SPAG16: variants seen among roughly 807,000 people sequenced by gnomAD.
SPAG16 encodes the protein sperm-associated antigen 16 protein.
SPAG16 carries 86 observed loss-of-function variants against 80.4 expected under a neutral mutation model. The ratio of observed to expected loss-of-function variants is 1.07; its 90% CI spans 0.90 to 1.28. The LOEUF (loss-of-function observed/expected upper bound fraction) is 1.28, where lower values mean the gene tolerates loss of function less well. Among genes scored for constraint, SPAG16 ranks in the 50% most tolerant of loss-of-function variants. The pLI is 0.00. For missense variants in SPAG16, 870 were observed against 765.3 expected, an observed-to-expected ratio of 1.14 and a Z score of -1.61; for synonymous variants, 294 against 265.9, an observed-to-expected ratio of 1.11 and a Z score of -1.03.
chr2:213,868,312 T>G (rs12470513), intron 11 of SPAG16, among the ~76,000 whole-genome samples: 90,256 of 151,822 alleles, frequency 0.59, 28,704 homozygotes, highest in South Asian at 0.85. Flanking sequence ...GCCAGAAACA[T>G]CAACAGAATT....
intron 10 of SPAG16, among the ~76,000 whole-genome samples, chr2:213,584,999 G>A (rs1475606981): frequency 6.6e-6 from 1 of 151,496 alleles, no homozygotes; most frequent in Admixed American, 6.6e-5. Context: ...GATCAGCCTG[G>A]CCAACATGGC....
At chr2:213,623,202 T>A (rs1214896270) in intron 10 of SPAG16, among the ~76,000 whole-genome samples, 2 of 152,226 alleles carry the variant, frequency 1.3e-5, no homozygotes, top group African/African-American at 4.8e-5. Context: ...GTAAAATCAC[T>A]TTTTACTGCT....
intron 9 of SPAG16, among the ~76,000 whole-genome samples, chr2:213,439,734 A>C (rs1040548405): frequency 6.6e-6 from 1 of 152,236 alleles, no homozygotes; most frequent in East Asian, 1.9e-4. Flanking sequence ...AGAAATGGCT[A>C]TGAAAATTAT....
At chr2:213,567,165 C>CTT (rs531916197) in intron 10 of SPAG16, among the ~76,000 whole-genome samples, 10 of 94,900 alleles carry the variant, frequency 1.1e-4, no homozygotes, top group South Asian at 7.1e-4. Flanking sequence ...AACACAGATT[C>CTT]TTTTTTTTTT....
At chr2:214,039,386 G>A (rs2125084455) in intron 13 of SPAG16, among the ~76,000 whole-genome samples, 1 of 152,170 alleles carries the variant, frequency 6.6e-6, no homozygotes, top group East Asian at 1.9e-4. Flanking sequence ...TTTTTAATGG[G>A]GTTGTTTGGA....
intron 12 of SPAG16, among the ~76,000 whole-genome samples, chr2:214,006,089 C>T (rs2047013512): frequency 6.6e-6 from 1 of 151,908 alleles, no homozygotes; most frequent in Non-Finnish European, 1.5e-5. Context: ...TCTAGTATTC[C>T]CTTTGAAAAC....
intron 9 of SPAG16, among the ~76,000 whole-genome samples, chr2:213,400,190 CTT>C (rs2068239965): frequency 6.6e-6 from 1 of 152,022 alleles, no homozygotes; most frequent in African/African-American, 2.4e-5. Flanking sequence ...TGCCTATAGT[CTT>C]TGAGTTTATG....
chr2:213,375,161 C>G, intron 9 of SPAG16, 42 bp downstream of exon 9: 1 of 1,355,676 alleles, frequency 7.4e-7, no homozygotes. Flanking sequence ...ATACTTAACT[C>G]TCAGATCTTT....
intron 15 of SPAG16, among the ~76,000 whole-genome samples, chr2:214,169,422 C>A (rs920053753): frequency 6.6e-6 from 1 of 151,934 alleles, no homozygotes; most frequent in Non-Finnish European, 1.5e-5. Context: ...TCCCCAAAGC[C>A]GGTCAGTACT....
chr2:213,959,615 T>C (rs559918101), intron 12 of SPAG16, among the ~76,000 whole-genome samples: 38 of 152,282 alleles, frequency 2.5e-4, no homozygotes, highest in Admixed American at 2.3e-3. Context: ...AATAATACCA[T>C]GGACTTTACT....
Position 213,791,711 on chromosome 2 carries a change from A to C in SPAG16, c.1071-70774A>C, listed in dbSNP as rs189839323. Among the ~76,000 whole-genome samples, 696 of 152,252 alleles carry C rather than the reference A, an allele frequency of 4.6e-3. 5 individuals are homozygous for C. The highest frequency in any genetic ancestry group is 6.7e-3 in the Non-Finnish European group (455 of 67,978). On this transcript the variant is annotated intron_variant, in intron 10 of 15. Coordinates refer to ENST00000331683, the MANE Select transcript of SPAG16 (RefSeq NM_024532.5). ...TTTATAATATCCATATGGGTTTTCT[A>C]AAATATATTCTTCCAAAATATAAGT... is the stretch of plus-strand genomic sequence containing the variant.
chr2:213,744,673 T>G (rs1470165873), intron 10 of SPAG16, among the ~76,000 whole-genome samples: 1 of 152,190 alleles, frequency 6.6e-6, no homozygotes, highest in Non-Finnish European at 1.5e-5. Context: ...AATAAAACAC[T>G]GGGAGAAGTG....
intron 15 of SPAG16, among the ~76,000 whole-genome samples, chr2:214,322,614 G>GAAAC (rs1247480893): frequency 6.6e-6 from 1 of 151,950 alleles, no homozygotes; most frequent in Non-Finnish European, 1.5e-5. Context: ...ATTTTAGATG[G>GAAAC]AAACATTTGG....
chr2:213,560,350 G>A (rs1346350090), intron 10 of SPAG16, among the ~76,000 whole-genome samples: 2 of 152,056 alleles, frequency 1.3e-5, no homozygotes, highest in African/African-American at 4.8e-5. Flanking sequence ...GTCACAATGA[G>A]TCATTTTTTT....
chr2:213,588,269 A>T (rs1413924967), intron 10 of SPAG16, among the ~76,000 whole-genome samples: 1 of 152,162 alleles, frequency 6.6e-6, no homozygotes, highest in Non-Finnish European at 1.5e-5. Flanking sequence ...TTTCTAACAG[A>T]GCATTTATAT....
At chr2:213,877,821 T>G (rs1263218654) in intron 11 of SPAG16, among the ~76,000 whole-genome samples, 1 of 152,176 alleles carries the variant, frequency 6.6e-6, no homozygotes, top group East Asian at 1.9e-4. Flanking sequence ...ATTTTCCATG[T>G]GCCAATCTCA....
chr2:214,304,321 G>T (rs1196865028), intron 15 of SPAG16, among the ~76,000 whole-genome samples: 4 of 152,220 alleles, frequency 2.6e-5, no homozygotes, highest in African/African-American at 4.8e-5. Flanking sequence ...CTGGAAGGTT[G>T]TGGGTTTACC....
At chr2:213,305,691 C>A (rs756839338) in intron 3 of SPAG16, among the ~76,000 whole-genome samples, 25 of 152,132 alleles carry the variant, frequency 1.6e-4, no homozygotes, top group Admixed American at 1.4e-3. Context: ...ACCATCCTTG[C>A]ATTCCAAGGA....
At chr2:213,325,085 T>A (rs968306278) in intron 5 of SPAG16, among the ~76,000 whole-genome samples, 4 of 152,096 alleles carry the variant, frequency 2.6e-5, no homozygotes, top group African/African-American at 9.7e-5. Context: ...TTTTGCTTGC[T>A]GATCTTATAA....
Sources: allele counts gnomAD v4.1 joint callset (sites outside exome capture counted in the v4.1 genomes callset), GRCh38; gene constraint gnomAD v4.1.1; transcripts MANE v1.5; gene names NCBI Gene and HGNC (gene_info 2026-07-23, HGNC 2026-07-21).